Variants in AVEN observed in about 807,000 individuals in gnomAD.
The protein encoded by AVEN is apoptosis and caspase activation inhibitor, also known as cell death regulator Aven.
AVEN carries 41 observed loss-of-function variants against 38.1 expected under a neutral mutation model. That is an observed-to-expected ratio of 1.08 (90% CI 0.84 to 1.40). The LOEUF (loss-of-function observed/expected upper bound fraction) is 1.40, where lower values mean the gene tolerates loss of function less well. Ranked by LOEUF, AVEN falls within the 40% of genes most tolerant of loss-of-function variation. The pLI is 0.00. For missense variants in AVEN, 605 were observed against 438.8 expected (o/e 1.38, Z -3.38); for synonymous variants, 206 against 171.8 (o/e 1.20, Z -1.56).
intron 2 of AVEN, among the ~76,000 whole-genome samples, chr15:34,002,222 C>T (rs954361670): frequency 2.0e-5 from 3 of 152,138 alleles, no homozygotes; most frequent in African/African-American, 7.2e-5. Flanking sequence ...AATTTTATCA[C>T]CTGCGTAGGT....
chr15:33,880,112 C>CAA (rs564749130), intron 2 of AVEN, among the ~76,000 whole-genome samples: 2,338 of 152,060 alleles, frequency 0.015, 62 homozygotes, highest in African/African-American at 0.053. Context: ...AACAAACAAA[C>CAA]AAACAAAAAA....
chr15:33,927,673 G>C (rs758358393), intron 2 of AVEN, among the ~76,000 whole-genome samples: 28 of 152,152 alleles, frequency 1.8e-4, no homozygotes, highest in Admixed American at 1.4e-3. Context: ...GTAGAATTTG[G>C]AGGCCCTAGC....
intron 1 of AVEN, among the ~76,000 whole-genome samples, chr15:34,024,547 C>A (rs1387820942): frequency 6.7e-6 from 1 of 149,198 alleles, no homozygotes; most frequent in East Asian, 2.0e-4. Flanking sequence ...ATTAAAACTA[C>A]AAATTACTAT....
chr15:33,864,442 GAGACAATATGAA>G (rs994316423), downstream of AVEN, among the ~76,000 whole-genome samples: 5 of 152,176 alleles, frequency 3.3e-5, no homozygotes, highest in Non-Finnish European at 7.3e-5. Context: ...GAACATTACA[GAGACAATATGAA>G]ATAAGAAATT....
chr15:34,059,776 A>G (rs1460620313), intron 5 of AVEN, among the ~76,000 whole-genome samples: 2 of 152,220 alleles, frequency 1.3e-5, no homozygotes, highest in Non-Finnish European at 2.9e-5. Context: ...TCTCTTCCTC[A>G]GGAAGTGCTT....
At chr15:33,887,533 T>G (rs1230398447) in intron 2 of AVEN, among the ~76,000 whole-genome samples, 1 of 152,194 alleles carries the variant, frequency 6.6e-6, no homozygotes, top group Non-Finnish European at 1.5e-5. Context: ...TATTTATTAA[T>G]TTTCATTTTT....
chr15:33,967,249 T>C (rs561161428), intron 2 of AVEN, among the ~76,000 whole-genome samples: 4 of 152,220 alleles, frequency 2.6e-5, no homozygotes, highest in Admixed American at 1.3e-4. Flanking sequence ...TAAAATTCTA[T>C]TGGCTAACAA....
intron 2 of AVEN, among the ~76,000 whole-genome samples, chr15:33,976,092 T>G (rs976722869): frequency 6.6e-6 from 1 of 152,196 alleles, no homozygotes; most frequent in Non-Finnish European, 1.5e-5. Context: ...GCTCAAGTAT[T>G]TAAGCTTGAA....
intron 11 of AVEN, among the ~76,000 whole-genome samples, chr15:33,859,961 C>T (rs148868751): frequency 2.6e-4 from 39 of 152,278 alleles, no homozygotes; most frequent in African/African-American, 8.7e-4. Flanking sequence ...GAACCCCTTC[C>T]TTCTGTTCCT....
intron 2 of AVEN, among the ~76,000 whole-genome samples, chr15:33,956,605 C>T (rs1894962742): frequency 6.6e-6 from 1 of 152,194 alleles, no homozygotes; most frequent in Non-Finnish European, 1.5e-5. Context: ...CCCACACACA[C>T]ATAATCATTT....
chr15:34,027,941 C>G (rs965531415), intron 1 of AVEN, among the ~76,000 whole-genome samples: 1 of 152,038 alleles, frequency 6.6e-6, no homozygotes, highest in African/African-American at 2.4e-5. Context: ...ATACACATGT[C>G]CAAGGCTGTG....
intron 1 of AVEN, among the ~76,000 whole-genome samples, chr15:34,024,837 G>A (rs1318584712): frequency 4.0e-5 from 6 of 150,520 alleles, no homozygotes; most frequent in Non-Finnish European, 1.5e-5. Context: ...CTCCAGCCTG[G>A]GCGACAAAGC....
intron 5 of AVEN, chr15:34,046,779 C>T (rs1899701700): frequency 6.6e-6 from 1 of 152,400 alleles, no homozygotes; most frequent in African/African-American, 2.4e-5. Context: ...AACAACTTGA[C>T]CCACAGAAAA....
At chr15:33,907,778 T>C (rs1373338067) in intron 2 of AVEN, among the ~76,000 whole-genome samples, 1 of 146,482 alleles carries the variant, frequency 6.8e-6, no homozygotes, top group Non-Finnish European at 1.5e-5. Context: ...ATCCACAAAA[T>C]TCCCAGCACT....
intron 2 of AVEN, among the ~76,000 whole-genome samples, chr15:33,917,403 A>C (rs1396773856): frequency 3.4e-5 from 5 of 147,664 alleles, no homozygotes; most frequent in Admixed American, 6.8e-5. Context: ...CACACATGGA[A>C]TACTACTATA....
At chr15:34,018,235 A>C (rs1898033500) in intron 1 of AVEN, 1 of 152,190 alleles carries the variant, frequency 6.6e-6, no homozygotes, top group African/African-American at 2.4e-5. Flanking sequence ...CCAGTGGTAC[A>C]AGATGTGGAG....
rs1462337804 is a variant in AVEN at position 33,892,086 on chromosome 15, T to C, written c.446-16091A>G. Among the ~76,000 whole-genome samples, 5 of 152,360 alleles carry C rather than the reference T, an allele frequency of 3.3e-5. No individual in the cohort carries two copies. The East Asian group carries it at 5.8e-4, about 18-fold the overall frequency. On this transcript the variant is annotated intron_variant, in intron 2 of 5. Coordinates refer to ENST00000306730, the MANE Select transcript of AVEN (RefSeq NM_020371.3). Reference sequence around the variant, plus strand: ...ACTTTTTGATGGGGTTGTTTTTTTCTTGTAAATTTGTTTGAGTTATTTGTA... The same window carrying C: ...ACTTTTTGATGGGGTTGTTTTTTTCCTGTAAATTTGTTTGAGTTATTTGTA...
intron 2 of AVEN, among the ~76,000 whole-genome samples, chr15:34,067,925 C>T (rs1276660907): frequency 1.3e-5 from 2 of 152,008 alleles, no homozygotes; most frequent in African/African-American, 2.4e-5. Flanking sequence ...GACCCCAGAT[C>T]GAGAGTGAGC....
chr15:33,852,926 G>A, the AVEN span: 2 of 812,668 alleles, frequency 2.5e-6, no homozygotes. Flanking sequence ...AAAATTCTTT[G>A]GTGAGCAGGA....
Sources: allele counts gnomAD v4.1 joint callset (sites outside exome capture counted in the v4.1 genomes callset), GRCh38; gene constraint gnomAD v4.1.1; transcripts MANE v1.5; gene names NCBI Gene and HGNC (gene_info 2026-07-23, HGNC 2026-07-21).